PIR: variants seen among roughly 807,000 people sequenced by gnomAD.
PIR encodes pirin.
A neutral mutation model predicts 24.2 loss-of-function variants in PIR; 22 were observed. That is an observed-to-expected ratio of 0.91 (90% confidence interval 0.65 to 1.30). The LOEUF is 1.30. Among genes scored for constraint, PIR ranks in the 50% most tolerant of loss-of-function variants. PIR has a pLI of 0.00. For missense variants in PIR, 220 were observed against 220.3 expected (o/e 1.00, Z 0.01); for synonymous variants, 80 against 79.6 (o/e 1.00, Z -0.03).
chrX:15,437,266 T>C (rs1925778801), intron 5 of PIR, among the ~76,000 whole-genome samples: 1 of 111,871 alleles, frequency 8.9e-6, no homozygotes, highest in African/African-American at 3.3e-5. Context: ...TTGGGGTCCA[T>C]TGCTGCCTGA....
At chrX:15,417,429 T>C (rs985662288) in intron 6 of PIR, among the ~76,000 whole-genome samples, 1 of 112,567 alleles carries the variant, frequency 8.9e-6, no homozygotes, top group African/African-American at 3.2e-5. Flanking sequence ...AAGTAGCTAC[T>C]GTATGTATGG....
intron 8 of PIR, among the ~76,000 whole-genome samples, chrX:15,390,473 T>G (rs988674785): frequency 9.0e-6 from 1 of 111,701 alleles, no homozygotes; most frequent in Admixed American, 9.5e-5. Context: ...CACCAAAATA[T>G]TAACATTCTC....
At chrX:15,433,548 G>GAAAGAAA (rs1925592652) in intron 5 of PIR, among the ~76,000 whole-genome samples, 1 of 60,604 alleles carries the variant, frequency 1.7e-5, no homozygotes, top group Non-Finnish European at 2.9e-5. Flanking sequence ...AAGAAAGAGA[G>GAAAGAAA]AGAAAGAAAG....
intron 1 of PIR, among the ~76,000 whole-genome samples, chrX:15,491,712 T>C (rs6629104): frequency 0.24 from 26,202 of 110,640 alleles, 2,509 homozygotes; most frequent in East Asian, 0.54. Flanking sequence ...TGTTTAGGTA[T>C]GTTTAGATAC....
chrX:15,437,687 T>G (rs981037959), intron 5 of PIR, among the ~76,000 whole-genome samples: 1 of 112,682 alleles, frequency 8.9e-6, no homozygotes, highest in African/African-American at 3.2e-5. Flanking sequence ...TCCCAACATC[T>G]GCTAGCCAGA....
intron 5 of PIR, among the ~76,000 whole-genome samples, chrX:15,433,728 A>G (rs1442272967): frequency 5.9e-5 from 2 of 33,654 alleles, no homozygotes; most frequent in Non-Finnish European, 5.2e-5. Flanking sequence ...AGGAGGAAGG[A>G]GAAAGAAGGA....
chrX:15,403,848 G>A (rs1024530857), intron 7 of PIR, among the ~76,000 whole-genome samples: 2 of 111,633 alleles, frequency 1.8e-5, no homozygotes, highest in Non-Finnish European at 3.8e-5. Context: ...ATAAGAAAAT[G>A]AGAATTCTAC....
chrX:15,395,402 A>C (rs753160523), intron 8 of PIR, among the ~76,000 whole-genome samples: 29 of 112,087 alleles, frequency 2.6e-4, no homozygotes, highest in African/African-American at 9.4e-4. Flanking sequence ...CAACTACTCA[A>C]TTCCACTGTT....
intron 7 of PIR, among the ~76,000 whole-genome samples, chrX:15,398,408 G>A (rs1257846230): frequency 2.7e-5 from 3 of 111,480 alleles, no homozygotes; most frequent in South Asian, 7.5e-4. Flanking sequence ...GGTGATGGGG[G>A]CTTGTGCAGG....
rs778466207 is a variant in PIR at position 15,415,491 on chromosome X, G to A, written c.566-7941C>T. On this transcript the variant is annotated intron_variant, in intron 6 of 9. Transcript: ENST00000380420. The stretch of plus-strand genomic sequence containing the variant: ...AATGTAATTGTATCTTACCATACAT[G>A]AAAACCAATTTCATCAAAGGATACA... Among the ~76,000 whole-genome samples the A allele has an allele frequency of 3.6e-5, 4 of 111,869 alleles. No individual in the cohort carries two copies. In the South Asian group the frequency reaches 1.5e-3, roughly 41 times the overall value.
chrX:15,474,844 T>C (rs753556632), intron 3 of PIR, among the ~76,000 whole-genome samples: 2 of 111,991 alleles, frequency 1.8e-5, no homozygotes, highest in Non-Finnish European at 3.8e-5. Context: ...TACTTATTAA[T>C]AGCTTCAAAG....
intron 6 of PIR, among the ~76,000 whole-genome samples, chrX:15,421,463 A>G (rs1486339345): frequency 9.0e-6 from 1 of 111,322 alleles, no homozygotes; most frequent in Non-Finnish European, 1.9e-5. Flanking sequence ...AGAAGACACA[A>G]TAACTGAGAC....
chrX:15,446,572 A>G (rs765876364), intron 5 of PIR, among the ~76,000 whole-genome samples: 5 of 112,065 alleles, frequency 4.5e-5, no homozygotes, highest in Non-Finnish European at 1.9e-5. Context: ...CGAGTTGAAT[A>G]AGCTTGATCT....
rs1456985934 is a variant in PIR at position 15,493,256 on chromosome X, A to C, written c.-119T>G. The C allele has an allele frequency of 8.9e-6, 1 of 112,039 alleles. No individual in the cohort carries two copies. The highest frequency in any genetic ancestry group is 1.9e-5 in the Non-Finnish European group (1 of 53,035). The allele number at this position is 112,039 out of a possible 1,213,427, so 9.2% of individuals were successfully genotyped here. ...GCGAAGAGCCGCCGGGAGCGAGTGCAGGGAGGGCAGGTTAAGAGAGTGTGG... is the reference window on the plus strand; with the variant it reads ...GCGAAGAGCCGCCGGGAGCGAGTGCCGGGAGGGCAGGTTAAGAGAGTGTGG... On this transcript the variant is annotated 5_prime_UTR_variant, in exon 1 of 10. Coordinates refer to ENST00000380420, the MANE Select transcript of PIR (RefSeq NM_001018109.3).
rs779384711 is a variant in PIR, at chrX:15,399,975, G to A, written c.611-2444C>T. On this transcript the variant is annotated intron_variant, in intron 7 of 9. Transcript: ENST00000380420. ...TTAACAGTTGGCTTTCAGGAGTAAA[G>A]GGGAGAACTAACCTGATTCCCGTAG... Among the ~76,000 whole-genome samples the A allele has an allele frequency of 2.7e-5, 3 of 111,500 alleles. No individual in the cohort carries two copies. In the South Asian group the frequency reaches 1.1e-3, roughly 42 times the overall value.
chrX:15,460,955 G>T (rs937130671), intron 3 of PIR, among the ~76,000 whole-genome samples: 1 of 111,959 alleles, frequency 8.9e-6, no homozygotes, highest in African/African-American at 3.3e-5. Context: ...GCAACTAAGA[G>T]GAGTAAACTG....
At chrX:15,425,816 A>G in intron 6 of PIR, 90 bp downstream of exon 6, 1 of 535,160 alleles carries the variant, frequency 1.9e-6, no homozygotes, top group Non-Finnish European at 3.3e-6. Context: ...TTCAGAAACA[A>G]GCACATTCCA....
chrX:15,476,370 A>T (rs113458046), intron 3 of PIR, among the ~76,000 whole-genome samples: 3 of 112,203 alleles, frequency 2.7e-5, no homozygotes, highest in Non-Finnish European at 3.8e-5. Flanking sequence ...CACTATTTTG[A>T]GGACCTTGAT....
At chrX:15,459,423 A>C (rs1921208573) in intron 4 of PIR, among the ~76,000 whole-genome samples, 2 of 112,329 alleles carry the variant, frequency 1.8e-5, no homozygotes, top group Admixed American at 1.9e-4. Context: ...GAGAAATGTA[A>C]GAAAAAGACT....
Sources: gnomAD v4.1 joint callset for allele counts (sites outside exome capture counted in the v4.1 genomes callset) on GRCh38, gnomAD v4.1.1 for gene constraint, MANE v1.5 for transcripts, NCBI Gene and HGNC (gene_info 2026-07-23, HGNC 2026-07-21) for gene names.